Variants in VEPH1 observed in about 807,000 individuals in gnomAD.
VEPH1 encodes the protein ventricular zone expressed PH domain containing 1.
In VEPH1, 80 loss-of-function variants were observed where a neutral mutation model predicts 85.2. The ratio of observed to expected loss-of-function variants is 0.94; its 90% CI spans 0.78 to 1.13. The LOEUF (loss-of-function observed/expected upper bound fraction) is 1.13, where lower values mean the gene tolerates loss of function less well. VEPH1 is among the 50% of genes most tolerant of loss of function. The probability of loss-of-function intolerance (pLI) is 0.00; values close to 1 mark genes in which losing one functional copy is unlikely to be tolerated. For missense variants in VEPH1, 955 were observed against 980.5 expected (o/e 0.97, Z 0.35); for synonymous variants, 297 against 348.0 (o/e 0.85, Z 1.63).
intron 12 of VEPH1, among the ~76,000 whole-genome samples, chr3:157,280,841 T>A (rs1182881664): frequency 1.3e-5 from 2 of 152,368 alleles, no homozygotes; most frequent in African/African-American, 4.8e-5. Context: ...AAGTGATTAA[T>A]GAATTTCTCA....
intron 4 of VEPH1, among the ~76,000 whole-genome samples, chr3:157,440,841 A>G (rs1042759370): frequency 1.5e-4 from 23 of 152,204 alleles, no homozygotes; most frequent in Middle Eastern, 3.4e-3. Context: ...CTCAAATTTG[A>G]AAGTCCCCCT....
At chr3:157,496,830 T>C (rs1348758916) in intron 1 of VEPH1, among the ~76,000 whole-genome samples, 3 of 152,220 alleles carry the variant, frequency 2.0e-5, no homozygotes, top group Non-Finnish European at 2.9e-5. Flanking sequence ...GTGGTACAAT[T>C]CATGAGTCAT....
chr3:157,292,578 G>A (rs765209485), intron 11 of VEPH1, among the ~76,000 whole-genome samples: 3 of 151,970 alleles, frequency 2.0e-5, no homozygotes, highest in Non-Finnish European at 2.9e-5. Context: ...TATCATCGTA[G>A]CTACTTGGGA....
chr3:157,296,965 A>T (rs984414122), intron 11 of VEPH1, among the ~76,000 whole-genome samples: 1 of 152,210 alleles, frequency 6.6e-6, no homozygotes, highest in African/African-American at 2.4e-5. Flanking sequence ...CTGTGGAGAA[A>T]TAATAAAAAG....
chr3:157,275,729 A>AT (rs949899173), intron 12 of VEPH1, among the ~76,000 whole-genome samples: 1 of 152,088 alleles, frequency 6.6e-6, no homozygotes, highest in Admixed American at 6.5e-5. Flanking sequence ...ATAGTATGTC[A>AT]TTTTTTCCCC....
chr3:157,493,064 G>A (rs935663546), intron 2 of VEPH1: 8 of 309,798 alleles, frequency 2.6e-5, no homozygotes, highest in African/African-American at 1.6e-4. Flanking sequence ...CACTGATAGG[G>A]AAGGGTAGTG....
intron 1 of VEPH1, among the ~76,000 whole-genome samples, chr3:157,496,907 A>G (rs1739711432): frequency 6.6e-6 from 1 of 152,232 alleles, no homozygotes; most frequent in Admixed American, 6.5e-5. Flanking sequence ...TGAAAAATGA[A>G]GCCTAACACT....
intron 4 of VEPH1, chr3:157,436,830 ACT>A (rs980774462): frequency 1.8e-5 from 24 of 1,329,912 alleles, no homozygotes; most frequent in African/African-American, 1.8e-4. Context: ...TTTATTAAGG[ACT>A]CTCTGCTCCA....
At chr3:157,337,739 C>G (rs1176988830) in intron 9 of VEPH1, among the ~76,000 whole-genome samples, 1 of 152,076 alleles carries the variant, frequency 6.6e-6, no homozygotes, top group Non-Finnish European at 1.5e-5. Flanking sequence ...ATTCAATTAG[C>G]CTTTCAACTG....
chr3:157,337,896 A>G (rs1047336439), intron 9 of VEPH1, among the ~76,000 whole-genome samples: 4 of 152,216 alleles, frequency 2.6e-5, no homozygotes, highest in Admixed American at 6.5e-5. Context: ...ATCATTGGAT[A>G]TAGAAAAATT....
chr3:157,393,426 C>T (rs1049396823), intron 6 of VEPH1, among the ~76,000 whole-genome samples: 2 of 152,062 alleles, frequency 1.3e-5, no homozygotes, highest in Non-Finnish European at 2.9e-5. Context: ...GAGTAGGTGA[C>T]AAAACAATGC....
intron 4 of VEPH1, chr3:157,442,810 CATT>C: frequency 1.9e-6 from 3 of 1,614,182 alleles, no homozygotes; most frequent in Non-Finnish European, 2.5e-6. Flanking sequence ...TTTGATGAAA[CATT>C]AGCCTTCTCT....
chr3:157,277,305 A>T (rs1383037618), intron 12 of VEPH1, among the ~76,000 whole-genome samples: 1 of 152,202 alleles, frequency 6.6e-6, no homozygotes, highest in East Asian at 1.9e-4. Context: ...TACTGATGGG[A>T]TCTGGCCATA....
chr3:157,366,424 CAAGAAAGAAA>C (rs1726703805), intron 7 of VEPH1, among the ~76,000 whole-genome samples: 1 of 151,498 alleles, frequency 6.6e-6, no homozygotes, highest in Admixed American at 6.6e-5. Flanking sequence ...CTTAAAAAAA[CAAGAAAGAAA>C]AAGAAAGAAA....
chr3:157,432,321 T>C (rs1309505405), intron 4 of VEPH1, among the ~76,000 whole-genome samples: 1 of 152,160 alleles, frequency 6.6e-6, no homozygotes, highest in Non-Finnish European at 1.5e-5. Context: ...ATTCTTAATA[T>C]AGTCAACTGT....
rs373193825 is a variant in VEPH1 at position 157,304,018 on chromosome 3, ATT to A, written c.2010+9601_2010+9602del. Among the ~76,000 whole-genome samples, 24 of 64,922 alleles carry A rather than the reference ATT, an allele frequency of 3.7e-4. 3 individuals carry two copies. Among genetic ancestry groups the A allele is most frequent in the Admixed American group, 2.1e-3 (9 of 4,312 alleles). The allele number at this position is 64,922 out of a possible 152,430, so 42.6% of individuals were successfully genotyped here. On this transcript the variant is annotated intron_variant, in intron 11 of 13. Transcript: ENST00000362010. ...TGTAGACTTAAATTTCTCATCTTAT[ATT>A]TTTTATATATATATATATACACACA...
At position 157,292,809 on chromosome 3, in the gene VEPH1, T is replaced by TAAA. The variant is rs11332321; in HGVS notation, c.2011-6138_2011-6136dup. On this transcript the variant is annotated intron_variant, in intron 11 of 13. Transcript: ENST00000362010. ...CCAGATGATGAAACCCCCTCTCTACTAAAAAAAAAAAAAAAAAAAAAAAAT... is the reference window on the plus strand; with the variant it reads ...CCAGATGATGAAACCCCCTCTCTACTAAAAAAAAAAAAAAAAAAAAAAAAAAAT... Among the ~76,000 whole-genome samples, 132 of 98,572 alleles carry TAAA rather than the reference T, an allele frequency of 1.3e-3. No individual in the cohort carries two copies. In the Middle Eastern group the frequency reaches 0.018, roughly 13 times the overall value. The allele number at this position is 98,572 out of a possible 152,430, so 64.7% of individuals were successfully genotyped here.
chr3:157,483,085 C>A (rs1483668230), intron 2 of VEPH1, among the ~76,000 whole-genome samples: 1 of 150,452 alleles, frequency 6.6e-6, no homozygotes, highest in Non-Finnish European at 1.5e-5. Context: ...TACTAATAAT[C>A]CTTTATATTT....
intron 7 of VEPH1, among the ~76,000 whole-genome samples, chr3:157,373,638 T>A (rs1446536136): frequency 6.6e-6 from 1 of 152,170 alleles, no homozygotes; most frequent in Non-Finnish European, 1.5e-5. Context: ...TCACGTGGGT[T>A]GTAGAGGGTC....
Sources: allele counts gnomAD v4.1 joint callset (sites outside exome capture counted in the v4.1 genomes callset), GRCh38; gene constraint gnomAD v4.1.1; transcripts MANE v1.5; gene names NCBI Gene and HGNC (gene_info 2026-07-23, HGNC 2026-07-21).